Variants in KCNJ3 observed in about 807,000 individuals in gnomAD.
KCNJ3 encodes potassium inwardly rectifying channel subfamily J member 3, also known as G protein-activated inward rectifier potassium channel 1.
Under a neutral mutation model 39.2 loss-of-function variants are expected in KCNJ3, and 4 were observed. The ratio of observed to expected loss-of-function variants is 0.10; its 90% CI spans 0.05 to 0.23. KCNJ3 has a LOEUF of 0.23. Ranked by LOEUF, KCNJ3 falls within the 10% of genes least tolerant of loss-of-function variation. KCNJ3 has a pLI of 1.00. For synonymous variants in KCNJ3, 230 were observed against 237.4 expected (o/e 0.97, Z 0.29); for missense variants, 276 against 634.9 (o/e 0.43, Z 6.08).
At chr2:154,800,743 T>A (rs746088389) in intron 2 of KCNJ3, among the ~76,000 whole-genome samples, 10 of 152,210 alleles carry the variant, frequency 6.6e-5, no homozygotes, top group African/African-American at 2.4e-4. Flanking sequence ...AACAATTATT[T>A]TCAGAAATGC....
At chr2:154,756,024 A>G (rs895708581) in intron 2 of KCNJ3, among the ~76,000 whole-genome samples, 27 of 152,098 alleles carry the variant, frequency 1.8e-4, no homozygotes, top group African/African-American at 5.3e-4. Context: ...TTTGGGGCAG[A>G]CCTTTTTTAC....
At chr2:154,764,597 C>T (rs559144831) in intron 2 of KCNJ3, among the ~76,000 whole-genome samples, 1 of 152,292 alleles carries the variant, frequency 6.6e-6, no homozygotes, top group East Asian at 1.9e-4. Flanking sequence ...CAATTTTCTA[C>T]AGCCGGTGGT....
chr2:154,797,601 T>C (rs947144593), intron 2 of KCNJ3, among the ~76,000 whole-genome samples: 7 of 152,048 alleles, frequency 4.6e-5, no homozygotes, highest in Non-Finnish European at 1.0e-4. Context: ...TATGTATGTA[T>C]ATTGGTGTGA....
chr2:154,853,094 A>G (rs1257957503), intron 2 of KCNJ3, among the ~76,000 whole-genome samples: 2 of 152,020 alleles, frequency 1.3e-5, no homozygotes, highest in African/African-American at 4.8e-5. Context: ...TTATCTTTAA[A>G]ATAGATGCAA....
intron 2 of KCNJ3, among the ~76,000 whole-genome samples, chr2:154,838,397 G>A (rs946952663): frequency 1.6e-4 from 24 of 152,124 alleles, no homozygotes; most frequent in African/African-American, 5.8e-4. Flanking sequence ...ACCATCTCTC[G>A]TCCTGTGATT....
At chr2:154,849,666 C>A (rs984301177) in intron 2 of KCNJ3, among the ~76,000 whole-genome samples, 1 of 152,186 alleles carries the variant, frequency 6.6e-6, no homozygotes, top group East Asian at 1.9e-4. Context: ...GTGAGTGACA[C>A]ATCCACCATC....
In KCNJ3 at chr2:154,766,189, G is replaced by A. The variant is rs976306759; in HGVS notation, c.919+56370G>A. Among the ~76,000 whole-genome samples the A allele has an allele frequency of 3.9e-5, 6 of 152,170 alleles. No individual in the cohort carries two copies. The South Asian group carries it at 1.0e-3, about 26-fold the overall frequency. On this transcript the variant is annotated intron_variant, in intron 2 of 2. Transcript: ENST00000295101. Reference sequence around the variant, plus strand: ...ACGTAATGAGCAAAATTACTGAAACGGTAAGGGGGTGATGAAGTGAGAAAG... The same window carrying A: ...ACGTAATGAGCAAAATTACTGAAACAGTAAGGGGGTGATGAAGTGAGAAAG...
chr2:154,737,021 A>C (rs1685560420), intron 2 of KCNJ3, among the ~76,000 whole-genome samples: 1 of 152,078 alleles, frequency 6.6e-6, no homozygotes, highest in South Asian at 2.1e-4. Flanking sequence ...CAAAGAAATA[A>C]CTCTGGACAT....
At chr2:154,733,266 A>G (rs977632150) in intron 2 of KCNJ3, among the ~76,000 whole-genome samples, 1 of 152,030 alleles carries the variant, frequency 6.6e-6, no homozygotes, top group African/African-American at 2.4e-5. Context: ...CTTACTCTAT[A>G]TTAATTTTAA....
chr2:154,808,486 T>A (rs1165015358), intron 2 of KCNJ3, among the ~76,000 whole-genome samples: 1 of 152,148 alleles, frequency 6.6e-6, no homozygotes, highest in Non-Finnish European at 1.5e-5. Context: ...CAGTTAGTGA[T>A]CATTATCCTT....
chr2:154,714,733 T>G (rs2105155366), intron 2 of KCNJ3, among the ~76,000 whole-genome samples: 1 of 152,316 alleles, frequency 6.6e-6, no homozygotes, highest in Admixed American at 6.5e-5. Context: ...CTTTTTATAT[T>G]TAATTAATTT....
intron 1 of KCNJ3, among the ~76,000 whole-genome samples, chr2:154,702,521 G>A (rs1684921857): frequency 6.6e-6 from 1 of 151,802 alleles, no homozygotes. Context: ...ACTTTTGATG[G>A]AAGTTTTTTG....
At chr2:154,719,080 A>G (rs1018738052) in intron 2 of KCNJ3, among the ~76,000 whole-genome samples, 2 of 152,194 alleles carry the variant, frequency 1.3e-5, no homozygotes, top group Admixed American at 6.6e-5. Flanking sequence ...GACTACCTGT[A>G]TCATAATCTC....
At chr2:154,757,530 C>T (rs79330209) in intron 2 of KCNJ3, among the ~76,000 whole-genome samples, 1,934 of 152,016 alleles carry the variant, frequency 0.013, 21 homozygotes, top group Non-Finnish European at 0.02. Context: ...TTTTTCTCCA[C>T]GAGATCTTAT....
chr2:154,749,002 C>G (rs1251236279), intron 2 of KCNJ3, among the ~76,000 whole-genome samples: 1 of 152,102 alleles, frequency 6.6e-6, no homozygotes, highest in Non-Finnish European at 1.5e-5. Flanking sequence ...TTTTTATTCT[C>G]CAACATCAGC....
intron 2 of KCNJ3, among the ~76,000 whole-genome samples, chr2:154,768,060 A>G (rs1288327934): frequency 2.0e-5 from 3 of 151,938 alleles, no homozygotes; most frequent in Admixed American, 6.6e-5. Flanking sequence ...AAATTTGTTT[A>G]AGTTCTTTGT....
chr2:154,726,888 C>T (rs942819774), intron 2 of KCNJ3, among the ~76,000 whole-genome samples: 3 of 150,872 alleles, frequency 2.0e-5, no homozygotes, highest in South Asian at 2.1e-4. Flanking sequence ...ATGGCATTTG[C>T]AGCAACCAGG....
intron 2 of KCNJ3, among the ~76,000 whole-genome samples, chr2:154,728,559 C>A (rs965209623): frequency 2.0e-5 from 3 of 152,168 alleles, no homozygotes; most frequent in Non-Finnish European, 4.4e-5. Context: ...TGGAACAAAT[C>A]TGCCACCTTT....
intron 2 of KCNJ3, among the ~76,000 whole-genome samples, chr2:154,724,287 T>C (rs917768253): frequency 6.6e-6 from 1 of 152,072 alleles, no homozygotes; most frequent in Non-Finnish European, 1.5e-5. Context: ...TGGCTTCTGA[T>C]GCACACACTT....
Sources: gnomAD v4.1 joint callset for allele counts (sites outside exome capture counted in the v4.1 genomes callset) on GRCh38, gnomAD v4.1.1 for gene constraint, MANE v1.5 for transcripts, NCBI Gene and HGNC (gene_info 2026-07-23, HGNC 2026-07-21) for gene names.